Variants in NDUFA10 observed in about 807,000 individuals in gnomAD.
NDUFA10 encodes the protein NADH dehydrogenase [ubiquinone] 1 alpha subcomplex subunit 10, mitochondrial.
NDUFA10 carries 40 observed loss-of-function variants against 47.8 expected under a neutral mutation model. That is an observed-to-expected ratio of 0.84 (90% CI 0.65 to 1.09). NDUFA10 has a LOEUF of 1.09. Ranked by LOEUF, NDUFA10 falls within the 50% of genes least tolerant of loss-of-function variation. The pLI is 0.00. For synonymous variants in NDUFA10, 183 were observed against 172.2 expected (o/e 1.06, Z -0.49); for missense variants, 413 against 451.1 (o/e 0.92, Z 0.76).
chr2:239,923,742 AAAAG>A lies in NDUFA10; in HGVS notation c.295-28432_295-28429del, dbSNP rs1694025142. 2.0e-5 allele frequency among the ~76,000 whole-genome samples: 3 copies of A among 152,130 alleles called. No homozygotes were observed. The South Asian group carries it at 6.2e-4, about 31-fold the overall frequency. The stretch of plus-strand genomic sequence containing the variant: ...TAAACACAGAGCAAGAAAAAAAAGA[AAAAG>A]AAAATTAAAAAGCAGAAATCAATGA... On this transcript the variant is annotated intron_variant, in intron 4 of 5. Transcript: ENST00000419408.
At chr2:239,935,724 T>C (rs1433412584) in intron 4 of NDUFA10, among the ~76,000 whole-genome samples, 4 of 152,172 alleles carry the variant, frequency 2.6e-5, no homozygotes, top group Non-Finnish European at 5.9e-5. Context: ...AGGGAGTAAG[T>C]CTCACAAGAT....
chr2:239,897,615 G>T (rs1693421079), intron 4 of NDUFA10, among the ~76,000 whole-genome samples: 1 of 152,214 alleles, frequency 6.6e-6, no homozygotes, highest in African/African-American at 2.4e-5. Flanking sequence ...GAGGGCCGAA[G>T]AGAGTCCCAG....
chr2:239,980,947 C>T (rs1244184877), intron 9 of NDUFA10, among the ~76,000 whole-genome samples: 1 of 152,186 alleles, frequency 6.6e-6, no homozygotes, highest in Non-Finnish European at 1.5e-5. Flanking sequence ...ACTGGGAATT[C>T]GTAACCAGAG....
intron 4 of NDUFA10, among the ~76,000 whole-genome samples, chr2:239,926,498 C>T: frequency 6.6e-6 from 1 of 152,136 alleles, no homozygotes; most frequent in East Asian, 1.9e-4. Context: ...ACAAGTCTAG[C>T]ACATGCAATT....
In NDUFA10 at chr2:240,021,433, A is replaced by G. The variant is rs760843545; in HGVS notation, c.245-21T>C. On this transcript the variant is annotated intron_variant, in intron 2 of 9. Transcript: ENST00000252711. ...GAAGCCTGAAAAGAGAAACAGTCGG[A>G]TGCAGTCTGATGCACATCACTCACT... 21 of 1,599,836 alleles carry G rather than the reference A, an allele frequency of 1.3e-5. No homozygotes were observed. The South Asian group carries it at 2.2e-4, about 17-fold the overall frequency.
intron 8 of NDUFA10, among the ~76,000 whole-genome samples, chr2:240,003,995 A>T (rs950644080): frequency 7.9e-5 from 12 of 152,332 alleles, no homozygotes; most frequent in African/African-American, 2.4e-4. Flanking sequence ...CAGCTGTGTG[A>T]CTAGGTACGT....
chr2:239,947,018 G>C (rs533330378), intron 4 of NDUFA10, among the ~76,000 whole-genome samples: 19 of 152,222 alleles, frequency 1.2e-4, no homozygotes, highest in Non-Finnish European at 2.4e-4. Flanking sequence ...AGCCCATGGT[G>C]GTGGGTGCTG....
chr2:239,914,918 A>T lies in NDUFA10; in HGVS notation c.295-19604T>A, dbSNP rs116118845. 2.8e-3 allele frequency among the ~76,000 whole-genome samples: 415 copies of T among 149,662 alleles called. 42 individuals carry two copies. The highest frequency in any genetic ancestry group is 9.9e-3 in the African/African-American group (390 of 39,316). On this transcript the variant is annotated intron_variant, in intron 4 of 5. Coordinates refer to the NDUFA10 transcript ENST00000419408. ...ACACATACATACTCAGACACACACA[A>T]ATATACAGATACAGAGAGAGACACA...
chr2:239,986,737 A>T (rs1266678727), intron 9 of NDUFA10, among the ~76,000 whole-genome samples: 1 of 152,214 alleles, frequency 6.6e-6, no homozygotes, highest in Non-Finnish European at 1.5e-5. Flanking sequence ...TAGCCAAGAA[A>T]ATCAATGGAT....
chr2:239,969,464 T>A (rs1695223211), intron 9 of NDUFA10: 2 of 342,112 alleles, frequency 5.8e-6, no homozygotes, highest in African/African-American at 4.3e-5. Context: ...TGCCTGTTCA[T>A]GCCACGGCCA....
Position 239,960,075 on chromosome 2 carries a change from T to G in NDUFA10, c.*1043A>C. On this transcript the variant is annotated 3_prime_UTR_variant, in exon 10 of 10. Transcript: ENST00000252711. ...TATTACATTTTAGCTCATTTAAATT[T>G]CAATACCCACATGTGGCTAGGAGCT... 7 of 985,366 alleles carry G rather than the reference T, an allele frequency of 7.1e-6. No individual in the cohort carries two copies. The highest frequency in any genetic ancestry group is 8.4e-6 in the Non-Finnish European group (7 of 829,880). The allele number at this position is 985,366 out of a possible 1,614,324, so 61.0% of individuals were successfully genotyped here.
At chr2:239,931,064 G>C (rs1048628863) in intron 4 of NDUFA10, among the ~76,000 whole-genome samples, 1 of 152,178 alleles carries the variant, frequency 6.6e-6, no homozygotes, top group African/African-American at 2.4e-5. Context: ...GGAGGGTTTT[G>C]AGCAGAGCAG....
In NDUFA10 at chr2:239,960,225, A is replaced by C; in HGVS notation, c.*893T>G. ...AGTGGAAAACCCACAGTTCAGTAGG[A>C]CTCACAACTGACAGCTTGATTCCTA... On this transcript the variant is annotated 3_prime_UTR_variant, in exon 10 of 10. Transcript: ENST00000252711. The C allele has an allele frequency of 1.0e-6, 1 of 985,494 alleles. No homozygotes were observed. The highest frequency in any genetic ancestry group is 1.2e-6 in the Non-Finnish European group (1 of 830,010). 61.0% of individuals were successfully genotyped at this position (985,494 alleles called of 1,614,324 possible).
downstream of NDUFA10, among the ~76,000 whole-genome samples, chr2:239,952,829 G>A (rs1343915150): frequency 2.6e-5 from 4 of 152,244 alleles, no homozygotes; most frequent in Non-Finnish European, 4.4e-5. Flanking sequence ...AGGCAGGGCT[G>A]CTCACAGCTG....
intron 4 of NDUFA10, among the ~76,000 whole-genome samples, chr2:239,920,526 T>G (rs1056244410): frequency 1.3e-5 from 2 of 152,170 alleles, no homozygotes; most frequent in Non-Finnish European, 2.9e-5. Flanking sequence ...ATTTTTAAAG[T>G]GTTTTCTCCT....
chr2:240,000,933 G>A (rs1221783022), intron 8 of NDUFA10, among the ~76,000 whole-genome samples: 2 of 152,178 alleles, frequency 1.3e-5, no homozygotes, highest in African/African-American at 4.8e-5. Context: ...ATCGCCTAAC[G>A]ACACCTTTCT....
rs968672469 is a variant in NDUFA10 at position 239,984,240 on chromosome 2, A to C, written c.999+5834T>G. 6.6e-5 allele frequency among the ~76,000 whole-genome samples: 10 copies of C among 152,174 alleles called. No homozygotes were observed. In the South Asian group the frequency reaches 8.3e-4, roughly 13 times the overall value. ...AGAGTGACAATCGGTTTCCAAAAAA[A>C]AAAAACAAAAAACAAAAACCCAGTA... On this transcript the variant is annotated intron_variant, in intron 9 of 9. Coordinates refer to ENST00000252711, the MANE Select transcript of NDUFA10 (RefSeq NM_004544.4).
chr2:239,910,188 C>T (rs1693725561), intron 4 of NDUFA10, among the ~76,000 whole-genome samples: 1 of 152,114 alleles, frequency 6.6e-6, no homozygotes, highest in African/African-American at 2.4e-5. Context: ...GCAGAAATAC[C>T]ATTTGACCCA....
downstream of NDUFA10, among the ~76,000 whole-genome samples, chr2:239,955,757 G>A (rs1355122442): frequency 6.6e-6 from 1 of 152,198 alleles, no homozygotes; most frequent in African/African-American, 2.4e-5. Context: ...GGTTCTCAGG[G>A]AAGGATGGCT....
Sources: gnomAD v4.1 joint callset for allele counts (sites outside exome capture counted in the v4.1 genomes callset) on GRCh38, gnomAD v4.1.1 for gene constraint, MANE v1.5 for transcripts, NCBI Gene and HGNC (gene_info 2026-07-23, HGNC 2026-07-21) for gene names.